The following SLC16A4 variants were observed in gnomAD, a reference collection of about 807,000 sequenced individuals.
SLC16A4 encodes probable monocarboxylate transporter 5.
Under a neutral mutation model 47.9 loss-of-function variants are expected in SLC16A4, and 39 were observed. The observed-to-expected ratio is 0.81, with a 90% CI of 0.63 to 1.06. The LOEUF (loss-of-function observed/expected upper bound fraction) is 1.06. Among genes scored for constraint, SLC16A4 ranks in the 50% least tolerant of loss-of-function variants. SLC16A4 has a pLI of 0.00. For synonymous variants in SLC16A4, 189 were observed against 199.9 expected (o/e 0.95, Z 0.46); for missense variants, 524 against 573.8 (o/e 0.91, Z 0.89).
At chr1:110,388,665 T>G (rs535492875) in intron 2 of SLC16A4, among the ~76,000 whole-genome samples, 2 of 152,184 alleles carry the variant, frequency 1.3e-5, no homozygotes, top group Non-Finnish European at 2.9e-5. Flanking sequence ...CTGAGCATTC[T>G]CAGGTTTAAG....
At chr1:110,381,628 G>A (rs950071040) in intron 4 of SLC16A4, 24 bp downstream of exon 4, 5 of 1,597,862 alleles carry the variant, frequency 3.1e-6, no homozygotes, top group Non-Finnish European at 3.4e-6. Context: ...GCCTTCTATG[G>A]TCACATAATT....
At chr1:110,370,844 C>T (rs1388919831) in intron 8 of SLC16A4, 1 of 152,176 alleles carries the variant, frequency 6.6e-6, no homozygotes, top group Non-Finnish European at 1.5e-5. Context: ...TATCCCACAA[C>T]TCAGAATGTC....
At chr1:110,388,418 T>A (rs937847401) in intron 2 of SLC16A4, among the ~76,000 whole-genome samples, 17 of 152,126 alleles carry the variant, frequency 1.1e-4, no homozygotes, top group African/African-American at 3.1e-4. Flanking sequence ...TAGCATAAAC[T>A]ATAGTTAGTG....
intron 6 of SLC16A4, among the ~76,000 whole-genome samples, chr1:110,377,916 G>C (rs1318247819): frequency 6.6e-6 from 1 of 152,070 alleles, no homozygotes; most frequent in Non-Finnish European, 1.5e-5. Flanking sequence ...TGCAAGCTCC[G>C]CCTCCCGGGT....
rs778952439 is a variant in SLC16A4 at position 110,389,207 on chromosome 1, T to C, written c.87+30A>G. On this transcript the variant is annotated intron_variant, in intron 2 of 8. Coordinates refer to ENST00000369779, the MANE Select transcript of SLC16A4 (RefSeq NM_004696.3). ...CTCCAGAAAGCCTGCTTTTAGGCAA[T>C]AGGAAAGGGGGAAAAAAGTGAATTC... 8 of 1,567,248 alleles carry C rather than the reference T, an allele frequency of 5.1e-6. No individual in the cohort carries two copies. The South Asian group carries it at 6.7e-5, about 13-fold the overall frequency.
chr1:110,382,959 A>G lies in SLC16A4; in HGVS notation c.95T>C (p.Val32Ala), dbSNP rs759963144. ...AGTCTTGGTCATCCCCATCACAAAC[A>G]CATTCACCTAAATCAAAGCAGACCA... Reference protein sequence around the residue: ...MIVIHFFLVNVFVMGMTKTFA... With the variant: ...MIVIHFFLVNAFVMGMTKTFA... Residue 32 changes from valine to alanine, a missense_variant, in exon 3 of 9, where the codon GTG (valine) becomes GCG (alanine). By Grantham distance (64) the Val-to-Ala change is moderately conservative (BLOSUM62 0). Transcript: ENST00000369779. The G allele has an allele frequency of 6.2e-7, 1 of 1,607,696 alleles. No individual in the cohort carries two copies. The highest frequency in any genetic ancestry group is 8.5e-7 in the Non-Finnish European group (1 of 1,175,862).
chr1:110,376,315 C>A (rs774813530), intron 7 of SLC16A4, among the ~76,000 whole-genome samples: 5 of 152,148 alleles, frequency 3.3e-5, no homozygotes, highest in African/African-American at 7.2e-5. Flanking sequence ...GTAGCACTTA[C>A]GCTAATATTG....
In SLC16A4 at chr1:110,363,152, A is replaced by G. The variant is rs1661168699; in HGVS notation, c.*614T>C. Reference sequence around the variant, plus strand: ...TATCTTTACATATTTTAGTGACTGAATTACCATGGCGTAATTGAGAGTTTG... The same window carrying G: ...TATCTTTACATATTTTAGTGACTGAGTTACCATGGCGTAATTGAGAGTTTG... On this transcript the variant is annotated 3_prime_UTR_variant, in exon 9 of 9. Coordinates refer to ENST00000369779, the MANE Select transcript of SLC16A4 (RefSeq NM_004696.3). 6.6e-6 allele frequency: 1 copy of G among 152,216 alleles called. No homozygotes were observed. The highest frequency in any genetic ancestry group is 1.5e-5 in the Non-Finnish European group (1 of 68,042). The allele number at this position is 152,216 out of a possible 1,614,324, so 9.4% of individuals were successfully genotyped here.
In SLC16A4 at chr1:110,379,094, G is replaced by A; in HGVS notation, c.789C>T (p.Tyr263=). 6.2e-7 allele frequency: 1 copy of A among 1,614,218 alleles called. No homozygotes were observed. The highest frequency in any genetic ancestry group is 8.5e-7 in the Non-Finnish European group (1 of 1,180,044). The change falls in exon 6 of 9, where the codon TAC becomes TAT. Residue 263 remains tyrosine, a synonymous_variant. Coordinates refer to ENST00000369779, the MANE Select transcript of SLC16A4 (RefSeq NM_004696.3). ...TVSQNQSEEF[Y]NGPNRNRLLL... ...ACAGTCTGTTCCTGTTAGGCCCATTGTAGAACTCTTCACTTTGATTTTGTG... is the reference window on the plus strand; with the variant it reads ...ACAGTCTGTTCCTGTTAGGCCCATTATAGAACTCTTCACTTTGATTTTGTG...
chr1:110,376,001 C>G (rs1278900224), intron 7 of SLC16A4, among the ~76,000 whole-genome samples: 1 of 151,994 alleles, frequency 6.6e-6, no homozygotes, highest in Non-Finnish European at 1.5e-5. Flanking sequence ...CAGTTACTTC[C>G]AAGTAGCTGG....
chr1:110,390,472 CAGTT>C (rs1662982667), intron 1 of SLC16A4, among the ~76,000 whole-genome samples: 1 of 152,050 alleles, frequency 6.6e-6, no homozygotes, highest in East Asian at 1.9e-4. Context: ...TTTGTGGGGA[CAGTT>C]GGGGAAATTT....
chr1:110,376,913 A>G, intron 7 of SLC16A4, 37 bp downstream of exon 7: 2 of 1,526,618 alleles, frequency 1.3e-6, no homozygotes, highest in Non-Finnish European at 1.8e-6. Context: ...TGCTTTTACT[A>G]AATGGTTTAA....
chr1:110,371,164 C>T (rs1206094564), intron 8 of SLC16A4: 1 of 152,160 alleles, frequency 6.6e-6, no homozygotes, highest in East Asian at 1.9e-4. Flanking sequence ...TTGATAGTCA[C>T]TTGATTACCA....
chr1:110,384,152 A>G (rs1365864543), intron 2 of SLC16A4, among the ~76,000 whole-genome samples: 1 of 152,188 alleles, frequency 6.6e-6, no homozygotes, highest in African/African-American at 2.4e-5. Context: ...TCTGTTAAAG[A>G]CAGCTAATTC....
At position 110,389,225 on chromosome 1, in the gene SLC16A4, G is replaced by GT. The variant is rs957548865; in HGVS notation, c.87+11dup. ...TAGGCAATAGGAAAGGGGGAAAAAAGTGAATTCTTACCAGGAAAAAATGAA... is the reference window on the plus strand; with the variant it reads ...TAGGCAATAGGAAAGGGGGAAAAAAGTTGAATTCTTACCAGGAAAAAATGAA... On this transcript the variant is annotated intron_variant, in intron 2 of 8. Coordinates refer to ENST00000369779, the MANE Select transcript of SLC16A4 (RefSeq NM_004696.3). 6.2e-7 allele frequency: 1 copy of GT among 1,607,276 alleles called. No homozygotes were observed. The highest frequency in any genetic ancestry group is 1.3e-5 in the African/African-American group (1 of 74,792).
At chr1:110,373,656 A>T in intron 8 of SLC16A4, among the ~76,000 whole-genome samples, 1 of 147,762 alleles carries the variant, frequency 6.8e-6, no homozygotes, top group African/African-American at 2.5e-5. Context: ...CTATTGGCAT[A>T]TTTTTTGTTC....
intron 2 of SLC16A4, 79 bp downstream of exon 2, chr1:110,389,158 A>G (rs1662887550): frequency 8.4e-7 from 1 of 1,185,496 alleles, no homozygotes; most frequent in African/African-American, 1.5e-5. Context: ...AAGTGATCCT[A>G]TTCGTAGGCA....
intron 2 of SLC16A4, 177 bp from the exon 3 acceptor site, chr1:110,383,143 C>G: frequency 2.0e-6 from 1 of 503,330 alleles, no homozygotes; most frequent in East Asian, 3.0e-5. Flanking sequence ...TTTAAAGTAG[C>G]TAAGCATTTT....
At chr1:110,378,569 G>A (rs1024249251) in intron 6 of SLC16A4, among the ~76,000 whole-genome samples, 11 of 152,062 alleles carry the variant, frequency 7.2e-5, no homozygotes, top group Admixed American at 2.6e-4. Flanking sequence ...TGAAATTTCC[G>A]CATTTATCCA....
Sources: gnomAD v4.1 joint callset for allele counts (sites outside exome capture counted in the v4.1 genomes callset) on GRCh38, gnomAD v4.1.1 for gene constraint, MANE v1.5 for transcripts, NCBI Gene and HGNC (gene_info 2026-07-23, HGNC 2026-07-21) for gene names.